The following DOCK4 variants were observed in gnomAD, a reference collection of about 807,000 sequenced individuals.
The protein encoded by DOCK4 is dedicator of cytokinesis protein 4.
DOCK4 carries 97 observed loss-of-function variants against 268.1 expected under a neutral mutation model. The observed-to-expected ratio is 0.36, with a 90% CI of 0.31 to 0.43. The LOEUF is 0.43. Among genes scored for constraint, DOCK4 ranks in the 20% least tolerant of loss-of-function variants. The probability of loss-of-function intolerance (pLI) is 1.00; values close to 1 mark genes in which losing one functional copy is unlikely to be tolerated. For missense variants in DOCK4, 2,145 were observed against 2,455.7 expected (o/e 0.87, Z 2.67); for synonymous variants, 954 against 887.2 (o/e 1.08, Z -1.34).
chr7:112,137,882 C>T (rs546812113), intron 1 of DOCK4, among the ~76,000 whole-genome samples: 1 of 152,316 alleles, frequency 6.6e-6, no homozygotes, highest in Admixed American at 6.5e-5. Context: ...ATACTTGCTT[C>T]ATAGGCTTTC....
At position 111,900,405 on chromosome 7, in the gene DOCK4, T is replaced by A. The variant is rs1325021788; in HGVS notation, c.1449A>T (p.Ala483=). ...LPIPVDKFRG[A]HIRFEFRHCS... is the part of the protein sequence containing the mutation. ...AATGCCGAAACTCGAAGCGGATGTG[T>A]GCACCCCGGAATTTATCCACAGGAA... The change falls in exon 15 of 53, where the codon GCA becomes GCT. Residue 483 remains alanine (A), a synonymous_variant. Coordinates refer to ENST00000428084, the MANE Select transcript of DOCK4 (RefSeq NM_001363540.2). The A allele has an allele frequency of 6.2e-7, 1 of 1,613,388 alleles. No homozygotes were observed. The highest frequency in any genetic ancestry group is 8.5e-7 in the Non-Finnish European group (1 of 1,179,764).
chr7:111,786,184 GA>G (rs1250554845), intron 32 of DOCK4, among the ~76,000 whole-genome samples: 2 of 152,160 alleles, frequency 1.3e-5, no homozygotes, highest in African/African-American at 4.8e-5. Flanking sequence ...GAATTATTTA[GA>G]ACTGCATAGG....
chr7:111,855,900 T>G (rs976526778), intron 23 of DOCK4, among the ~76,000 whole-genome samples: 1 of 152,214 alleles, frequency 6.6e-6, no homozygotes, highest in Admixed American at 6.5e-5. Flanking sequence ...GTTGAATGAA[T>G]GGACTCCATC....
chr7:111,814,556 C>T (rs1801399446), intron 27 of DOCK4, among the ~76,000 whole-genome samples: 1 of 152,130 alleles, frequency 6.6e-6, no homozygotes, highest in African/African-American at 2.4e-5. Flanking sequence ...GATCCAGCAA[C>T]CCTGGAGTGG....
intron 1 of DOCK4, among the ~76,000 whole-genome samples, chr7:112,200,344 G>GTCAA: frequency 6.6e-6 from 1 of 152,234 alleles, no homozygotes; most frequent in Non-Finnish European, 1.5e-5. Flanking sequence ...ATGGGTAATA[G>GTCAA]TCAAACAAGA....
intron 25 of DOCK4, among the ~76,000 whole-genome samples, chr7:111,842,160 C>A (rs1335542426): frequency 1.3e-5 from 2 of 152,094 alleles, no homozygotes; most frequent in Non-Finnish European, 2.9e-5. Context: ...ACCTGAACAT[C>A]AAATATAAAA....
At chr7:112,019,631 C>G (rs1802144241) in intron 1 of DOCK4, among the ~76,000 whole-genome samples, 1 of 152,116 alleles carries the variant, frequency 6.6e-6, no homozygotes, top group African/African-American at 2.4e-5. Flanking sequence ...CTGAGTTTAT[C>G]AGCTTCTGGT....
In DOCK4 at chr7:111,840,788, T is replaced by C. The variant is rs771358853; in HGVS notation, c.2736+3975A>G. 4 of 1,317,498 alleles carry C rather than the reference T, an allele frequency of 3.0e-6. No individual in the cohort carries two copies. The South Asian group carries it at 4.8e-5, about 16-fold the overall frequency. 81.6% of individuals were successfully genotyped at this position (1,317,498 alleles called of 1,614,324 possible). A position where few individuals can be genotyped will look rare whatever the true frequency, so the allele number is the denominator to read the frequency against. On this transcript the variant is annotated intron_variant, in intron 25 of 52. Coordinates refer to ENST00000428084, the MANE Select transcript of DOCK4 (RefSeq NM_001363540.2). ...AGTGTGTCTACTTGTCATGGGCACT[T>C]TTCCATATGTGTCTGCACAGACTGA... is the stretch of plus-strand genomic sequence containing the variant.
At chr7:112,064,994 A>G (rs74780713) in intron 1 of DOCK4, among the ~76,000 whole-genome samples, 7,473 of 152,184 alleles carry the variant, frequency 0.049, 576 homozygotes, top group African/African-American at 0.17. Flanking sequence ...AGAACTGTAA[A>G]AAATAAGTTT....
chr7:111,901,827 A>G (rs1791173786), intron 13 of DOCK4, 26 bp from the exon 14 acceptor site: 1 of 1,473,988 alleles, frequency 6.8e-7, no homozygotes, highest in Non-Finnish European at 9.3e-7. Flanking sequence ...AATTAAAACC[A>G]TGTTATATAT....
At chr7:111,737,992 A>T (rs894890153) in intron 49 of DOCK4, among the ~76,000 whole-genome samples, 1 of 152,102 alleles carries the variant, frequency 6.6e-6, no homozygotes, top group Non-Finnish European at 1.5e-5. Context: ...GCCAAATCCC[A>T]CTCTCTCTCA....
intron 8 of DOCK4, among the ~76,000 whole-genome samples, chr7:111,953,461 C>G (rs1006088872): frequency 4.6e-5 from 7 of 152,152 alleles, no homozygotes; most frequent in African/African-American, 1.7e-4. Context: ...CTCCTGCATT[C>G]TGTCAAATGT....
intron 21 of DOCK4, among the ~76,000 whole-genome samples, chr7:111,868,361 A>T (rs1423505521): frequency 6.6e-6 from 1 of 152,224 alleles, no homozygotes; most frequent in Non-Finnish European, 1.5e-5. Context: ...AAAAAAATTT[A>T]AAAACACTTT....
At chr7:112,050,987 A>G (rs1252678156) in intron 1 of DOCK4, among the ~76,000 whole-genome samples, 1 of 152,176 alleles carries the variant, frequency 6.6e-6, no homozygotes, top group Non-Finnish European at 1.5e-5. Flanking sequence ...AGTATGGTCC[A>G]TTGGGTGCAC....
chr7:111,726,139 A>G lies in DOCK4; in HGVS notation c.*2135T>C, dbSNP rs575811376. 4.6e-5 allele frequency: 7 copies of G among 152,754 alleles called. No individual in the cohort carries two copies. Among genetic ancestry groups the G allele is most frequent in the Non-Finnish European group, 8.8e-5 (6 of 68,028 alleles). The allele number at this position is 152,754 out of a possible 1,614,324, so 9.5% of individuals were successfully genotyped here. The stretch of plus-strand genomic sequence containing the variant: ...GATTAATCTGGTAATTTTATTTAAT[A>G]TTTACCATTCAGCAGCAACCAACAT... On this transcript the variant is annotated 3_prime_UTR_variant, in exon 53 of 53. Transcript: ENST00000428084.
chr7:112,002,512 T>C (rs933450316), intron 2 of DOCK4, among the ~76,000 whole-genome samples: 1 of 152,214 alleles, frequency 6.6e-6, no homozygotes, highest in Non-Finnish European at 1.5e-5. Flanking sequence ...CTTATTATAT[T>C]TTTTAAGGTA....
At chr7:112,128,887 C>G (rs976900646) in intron 1 of DOCK4, among the ~76,000 whole-genome samples, 2 of 152,080 alleles carry the variant, frequency 1.3e-5, no homozygotes, top group South Asian at 4.2e-4. Context: ...TCCCCCTCTG[C>G]GAGAAACACC....
At chr7:111,799,269 G>A (rs989971731) in intron 30 of DOCK4, among the ~76,000 whole-genome samples, 9 of 152,156 alleles carry the variant, frequency 5.9e-5, no homozygotes, top group African/African-American at 2.2e-4. Context: ...CTTTTCACTT[G>A]GGAAAGGATA....
At chr7:111,731,854 A>T (rs554822370) in intron 52 of DOCK4, among the ~76,000 whole-genome samples, 1 of 132,058 alleles carries the variant, frequency 7.6e-6, no homozygotes, top group African/African-American at 3.2e-5. Flanking sequence ...ATGTTTCTCA[A>T]TCTAAGTGTG....
Sources: allele counts gnomAD v4.1 joint callset (sites outside exome capture counted in the v4.1 genomes callset), GRCh38; gene constraint gnomAD v4.1.1; transcripts MANE v1.5; gene names NCBI Gene and HGNC (gene_info 2026-07-23, HGNC 2026-07-21).